SGCG: variants seen among roughly 807,000 people sequenced by gnomAD.
The protein encoded by SGCG is sarcoglycan gamma.
Under a neutral mutation model 29.3 loss-of-function variants are expected in SGCG, and 26 were observed. The observed-to-expected ratio is 0.89, with a 90% CI of 0.65 to 1.23. The LOEUF (loss-of-function observed/expected upper bound fraction) is 1.23, where lower values mean the gene tolerates loss of function less well. Among genes scored for constraint, SGCG ranks in the 50% most tolerant of loss-of-function variants. The pLI is 0.00. For missense variants in SGCG, 353 were observed against 356.0 expected (o/e 0.99, Z 0.07); for synonymous variants, 145 against 129.7 (o/e 1.12, Z -0.80).
chr13:23,221,444 T>A (rs1410516), intron 2 of SGCG, among the ~76,000 whole-genome samples: 107,549 of 152,020 alleles, frequency 0.71, 38,355 homozygotes, highest in East Asian at 0.92. Flanking sequence ...CTATTAATTT[T>A]AAAAAATATA....
At chr13:23,314,846 G>A (rs150818143) in intron 6 of SGCG, among the ~76,000 whole-genome samples, 1 of 152,268 alleles carries the variant, frequency 6.6e-6, no homozygotes, top group East Asian at 1.9e-4. Flanking sequence ...CCAAGAAAAC[G>A]GCACAATGCC....
chr13:23,290,662 G>A (rs1351137377), intron 5 of SGCG, among the ~76,000 whole-genome samples: 4 of 152,164 alleles, frequency 2.6e-5, no homozygotes, highest in African/African-American at 9.7e-5. Context: ...CTGAACGAGA[G>A]AAATGGAATT....
intron 4 of SGCG, among the ~76,000 whole-genome samples, chr13:23,251,367 A>C (rs1343440283): frequency 2.0e-5 from 3 of 152,326 alleles, no homozygotes; most frequent in Admixed American, 6.5e-5. Context: ...CCATCCAATC[A>C]ACTAAGGCCA....
At chr13:23,219,997 G>T (rs1364144503) in intron 2 of SGCG, among the ~76,000 whole-genome samples, 4 of 62,492 alleles carry the variant, frequency 6.4e-5, no homozygotes, top group Admixed American at 1.6e-4. Flanking sequence ...CACCACGCCC[G>T]GTCAATTTTT....
chr13:23,298,515 T>G (rs2025744), intron 6 of SGCG, among the ~76,000 whole-genome samples: 56,564 of 151,994 alleles, frequency 0.37, 11,124 homozygotes, highest in East Asian at 0.79. Flanking sequence ...AAGTGAACAT[T>G]TGTAACATAA....
chr13:23,204,644 C>G (rs1269916555), intron 2 of SGCG, among the ~76,000 whole-genome samples: 1 of 147,878 alleles, frequency 6.8e-6, no homozygotes, highest in Non-Finnish European at 1.5e-5. Context: ...TCCTTTCTTT[C>G]TCTTCTTTCC....
intron 2 of SGCG, among the ~76,000 whole-genome samples, chr13:23,229,577 CAT>C (rs56335591): frequency 0.12 from 18,242 of 152,192 alleles, 1,401 homozygotes; most frequent in East Asian, 0.29. Context: ...TTTTTGACCA[CAT>C]GTGTGTTTTC....
At chr13:23,201,165 TA>T (rs66716392) in intron 1 of SGCG, among the ~76,000 whole-genome samples, 40,474 of 152,014 alleles carry the variant, frequency 0.27, 5,531 homozygotes, top group East Asian at 0.32. Context: ...AGGTGCTGAT[TA>T]GGGGACCTAA....
chr13:23,213,350 C>T (rs140898084), intron 2 of SGCG, among the ~76,000 whole-genome samples: 4,802 of 152,176 alleles, frequency 0.032, 98 homozygotes, highest in Non-Finnish European at 0.042. Context: ...GGCGTGGTGG[C>T]ACGTGCCTGT....
At chr13:23,241,847 C>T (rs557114791) in intron 3 of SGCG, among the ~76,000 whole-genome samples, 1 of 152,112 alleles carries the variant, frequency 6.6e-6, no homozygotes, top group Admixed American at 6.5e-5. Flanking sequence ...TTGGTCATCT[C>T]GATAGATGCA....
chr13:23,216,493 G>A (rs1878434363), intron 2 of SGCG, among the ~76,000 whole-genome samples: 1 of 152,208 alleles, frequency 6.6e-6, no homozygotes, highest in East Asian at 1.9e-4. Context: ...TTTGCAGACA[G>A]GTTGATGGAG....
At chr13:23,209,756 C>T (rs1878122242) in intron 2 of SGCG, among the ~76,000 whole-genome samples, 1 of 152,170 alleles carries the variant, frequency 6.6e-6, no homozygotes, top group African/African-American at 2.4e-5. Context: ...GTGGGCTAAA[C>T]CAAGCTATGC....
chr13:23,242,719 T>A (rs1593192728), intron 3 of SGCG, among the ~76,000 whole-genome samples: 1 of 152,292 alleles, frequency 6.6e-6, no homozygotes, highest in East Asian at 1.9e-4. Context: ...TTAGAAATGA[T>A]ATAGTGGTGG....
chr13:23,245,180 G>A (rs1009157921), intron 3 of SGCG: 5 of 152,172 alleles, frequency 3.3e-5, no homozygotes, highest in African/African-American at 1.2e-4. Context: ...TTTCGTCCTT[G>A]TGATCCCCAA....
intron 6 of SGCG, among the ~76,000 whole-genome samples, chr13:23,300,624 C>T (rs1442916047): frequency 3.3e-5 from 5 of 151,970 alleles, no homozygotes; most frequent in Non-Finnish European, 7.4e-5. Context: ...GAGGTAGAAG[C>T]AAACGCATAC....
At chr13:23,202,631 C>A (rs1037675282) in intron 1 of SGCG, among the ~76,000 whole-genome samples, 19 of 152,126 alleles carry the variant, frequency 1.2e-4, no homozygotes, top group Non-Finnish European at 2.4e-4. Flanking sequence ...GGCTGTCAGT[C>A]CTGGATATTT....
intron 2 of SGCG, among the ~76,000 whole-genome samples, chr13:23,218,373 C>G (rs955573302): frequency 2.0e-5 from 3 of 152,020 alleles, no homozygotes; most frequent in African/African-American, 7.2e-5. Context: ...AAATATACCA[C>G]TGGAACATAA....
chr13:23,188,006 A>G (rs79989034), intron 1 of SGCG, among the ~76,000 whole-genome samples: 1 of 152,106 alleles, frequency 6.6e-6, no homozygotes, highest in East Asian at 1.9e-4. Context: ...ATCTAACCCC[A>G]CAGGGGCACC....
chr13:23,168,515 G>A, the SGCG span, among the ~76,000 whole-genome samples: 11 of 152,286 alleles, frequency 7.2e-5, no homozygotes, highest in Non-Finnish European at 1.5e-4. Flanking sequence ...CAGGGTGCTC[G>A]TGCCTTTGCC....
Sources: allele counts gnomAD v4.1 joint callset (sites outside exome capture counted in the v4.1 genomes callset), GRCh38; gene constraint gnomAD v4.1.1; transcripts MANE v1.5; gene names NCBI Gene and HGNC (gene_info 2026-07-23, HGNC 2026-07-21).